Variants in VTCN1 observed in about 807,000 individuals in gnomAD.
The protein encoded by VTCN1 is V-set domain containing T cell activation inhibitor 1, also known as V-set domain-containing T-cell activation inhibitor 1.
VTCN1 carries 26 observed loss-of-function variants against 26.5 expected under a neutral mutation model. The ratio of observed to expected loss-of-function variants is 0.98; its 90% CI spans 0.72 to 1.36. VTCN1 has a LOEUF of 1.36. VTCN1 is among the 40% of genes most tolerant of loss of function. The pLI is 0.00. For synonymous variants in VTCN1, 116 were observed against 130.7 expected (o/e 0.89, Z 0.77); for missense variants, 298 against 337.7 (o/e 0.88, Z 0.92).
chr1:117,171,342 G>T (rs950175249), intron 1 of VTCN1, among the ~76,000 whole-genome samples: 2 of 152,206 alleles, frequency 1.3e-5, no homozygotes, highest in Admixed American at 6.5e-5. Flanking sequence ...ATAGTAGAAT[G>T]ATTTATAATC....
intron 2 of VTCN1, among the ~76,000 whole-genome samples, chr1:117,164,926 G>C (rs1652536096): frequency 6.6e-6 from 1 of 152,162 alleles, no homozygotes; most frequent in African/African-American, 2.4e-5. Flanking sequence ...GTTTTCTGGG[G>C]TTTTTATTTA....
rs556333783 is a variant in VTCN1 at position 117,150,343 on chromosome 1, A to G, written c.725-2561T>C. Reference sequence around the variant, plus strand: ...GCCATATGGACTAAAACAAGAGAGTAAAGAGAGAATTAAGTAGAAATGAGA... The same window carrying G: ...GCCATATGGACTAAAACAAGAGAGTGAAGAGAGAATTAAGTAGAAATGAGA... On this transcript the variant is annotated intron_variant, in intron 4 of 5. Transcript: ENST00000369458. Among the ~76,000 whole-genome samples, 43 of 152,354 alleles carry G rather than the reference A, an allele frequency of 2.8e-4. 1 individual carries two copies. Among genetic ancestry groups the G allele is most frequent in the African/African-American group, 1.0e-3 (43 of 41,590 alleles).
At chr1:117,193,447 T>A (rs1648350245) in intron 1 of VTCN1, among the ~76,000 whole-genome samples, 1 of 152,162 alleles carries the variant, frequency 6.6e-6, no homozygotes, top group Non-Finnish European at 1.5e-5. Context: ...GAGCAATGGC[T>A]ATGCTTATAT....
chr1:117,203,203 T>A (rs12737524), intron 1 of VTCN1, among the ~76,000 whole-genome samples: 4,207 of 152,032 alleles, frequency 0.028, 116 homozygotes, highest in East Asian at 0.11. Context: ...GGTTTCTCTT[T>A]TCTCAGTGAA....
chr1:117,196,399 TATATAGAG>T (rs1034389142), intron 1 of VTCN1, among the ~76,000 whole-genome samples: 1 of 147,604 alleles, frequency 6.8e-6, no homozygotes, highest in African/African-American at 2.6e-5. Flanking sequence ...CATATATATA[TATATAGAG>T]AGAGAGAGAG....
chr1:117,157,424 C>T lies in VTCN1; in HGVS notation c.98-503G>A, dbSNP rs562698154. On this transcript the variant is annotated intron_variant, in intron 2 of 5. Coordinates refer to ENST00000369458, the MANE Select transcript of VTCN1 (RefSeq NM_024626.4). Reference sequence around the variant, plus strand: ...GAGGCCTCAGAATCATGGAGGGAGGCAAAAGGCACTTCTTACATGGTGGTG... The same window carrying T: ...GAGGCCTCAGAATCATGGAGGGAGGTAAAAGGCACTTCTTACATGGTGGTG... Among the ~76,000 whole-genome samples the T allele has an allele frequency of 1.2e-3, 181 of 152,116 alleles. 1 individual carries two copies. The highest frequency in any genetic ancestry group is 2.1e-3 in the Non-Finnish European group (140 of 68,000).
intron 1 of VTCN1, among the ~76,000 whole-genome samples, chr1:117,185,786 G>A (rs931525480): frequency 2.0e-5 from 3 of 151,564 alleles, no homozygotes; most frequent in Non-Finnish European, 2.9e-5. Flanking sequence ...AACCATTTGC[G>A]AGTCAGAAAA....
At chr1:117,201,552 G>A (rs1648787980) in intron 1 of VTCN1, among the ~76,000 whole-genome samples, 3 of 152,304 alleles carry the variant, frequency 2.0e-5, no homozygotes, top group Admixed American at 2.0e-4. Context: ...CAATTTGCAA[G>A]CCTGCCCCTA....
chr1:117,145,588 T>A lies in VTCN1; in HGVS notation c.*46-363A>T, dbSNP rs1490920549. 6.6e-6 allele frequency among the ~76,000 whole-genome samples: 1 copy of A among 152,186 alleles called. No individual in the cohort carries two copies. The highest frequency in any genetic ancestry group is 1.5e-5 in the Non-Finnish European group (1 of 68,030). On this transcript the variant is annotated intron_variant, in intron 5 of 5. Transcript: ENST00000369458. The surrounding 1 kb of genome is among the most constrained non-coding windows in gnomAD (Gnocchi z 4.6). ...GGAGTGTGTGTGGCCTAAAATGCCATTACCCATTATAATGTGTGTCTCAAA... is the reference window on the plus strand; with the variant it reads ...GGAGTGTGTGTGGCCTAAAATGCCAATACCCATTATAATGTGTGTCTCAAA...
At chr1:117,152,919 T>G (rs1030590372) in intron 4 of VTCN1, among the ~76,000 whole-genome samples, 172 bp downstream of exon 4, 7 of 152,222 alleles carry the variant, frequency 4.6e-5, no homozygotes, top group Admixed American at 4.6e-4. Flanking sequence ...TGTTTTGTGT[T>G]GGGCTTTCTC....
chr1:117,156,675 A>C lies in VTCN1; in HGVS notation c.344T>G (p.Leu115Trp). Residue 115 changes from leucine to tryptophan, a missense_variant, in exon 3 of 6, where the codon TTG (leucine) becomes TGG (tryptophan). Leu to Trp is a moderately conservative substitution (Grantham distance 61). Transcript: ENST00000369458. Reference sequence around the variant, plus strand: ...TGTGAGTTGCACGTTTTTCAGCCGCAAAGAGGCATTGCCAACTATCACTTG... The same window carrying C: ...TGTGAGTTGCACGTTTTTCAGCCGCCAAGAGGCATTGCCAACTATCACTTG... The part of the protein sequence containing the change: ...ADQVIVGNAS[L>W]RLKNVQLTDA... The C allele has an allele frequency of 2.5e-6, 4 of 1,614,156 alleles. No individual in the cohort carries two copies. The highest frequency in any genetic ancestry group is 3.4e-6 in the Non-Finnish European group (4 of 1,180,010).
chr1:117,192,999 G>T (rs1363429204), intron 1 of VTCN1, among the ~76,000 whole-genome samples: 1 of 151,946 alleles, frequency 6.6e-6, no homozygotes, highest in East Asian at 1.9e-4. Context: ...TAACAACACA[G>T]CAATAACAAT....
chr1:117,204,484 G>T (rs930891829), intron 1 of VTCN1, among the ~76,000 whole-genome samples: 6 of 152,090 alleles, frequency 3.9e-5, no homozygotes, highest in Non-Finnish European at 7.3e-5. Flanking sequence ...TCTCAGATTT[G>T]TGGATTCTTG....
At chr1:117,149,142 G>T (rs981277996) in intron 4 of VTCN1, among the ~76,000 whole-genome samples, 6 of 152,072 alleles carry the variant, frequency 3.9e-5, no homozygotes, top group African/African-American at 1.4e-4. Context: ...ATGGAGTAAG[G>T]GTGTAGTGTT....
intron 2 of VTCN1, among the ~76,000 whole-genome samples, chr1:117,165,412 T>C (rs1652559218): frequency 6.6e-6 from 1 of 152,156 alleles, no homozygotes; most frequent in African/African-American, 2.4e-5. Flanking sequence ...AATCCCCAAT[T>C]ATATTATATT....
intron 1 of VTCN1, among the ~76,000 whole-genome samples, chr1:117,187,286 G>A (rs567229866): frequency 3.0e-4 from 41 of 136,840 alleles, no homozygotes; most frequent in African/African-American, 1.1e-3. Flanking sequence ...CTCCAGCCTG[G>A]GTAACAGAGC....
chr1:117,166,466 C>G (rs58962869), intron 2 of VTCN1, among the ~76,000 whole-genome samples: 2,982 of 151,956 alleles, frequency 0.02, 103 homozygotes, highest in African/African-American at 0.065. Context: ...AACAGTTAAG[C>G]CTTAGTGGCC....
At chr1:117,162,479 C>T (rs1040254210) in intron 2 of VTCN1, among the ~76,000 whole-genome samples, 2 of 152,016 alleles carry the variant, frequency 1.3e-5, no homozygotes, top group Non-Finnish European at 2.9e-5. Context: ...AGACTCACTC[C>T]ACCAGAGATT....
At chr1:117,202,066 A>C (rs753387568) in intron 1 of VTCN1, among the ~76,000 whole-genome samples, 4 of 152,150 alleles carry the variant, frequency 2.6e-5, no homozygotes, top group Non-Finnish European at 4.4e-5. Flanking sequence ...TCCCTCCCAC[A>C]CAGTACCTGC....
Sources: allele counts gnomAD v4.1 joint callset (sites outside exome capture counted in the v4.1 genomes callset), GRCh38; gene constraint gnomAD v4.1.1; non-coding constraint Gnocchi (gnomAD v3.1); transcripts MANE v1.5; gene names NCBI Gene and HGNC (gene_info 2026-07-23, HGNC 2026-07-21).